AGAP1: variants seen among roughly 807,000 people sequenced by gnomAD.
AGAP1 encodes the protein ArfGAP with GTPase domain, ankyrin repeat and PH domain 1.
A neutral mutation model predicts 105.3 loss-of-function variants in AGAP1; 29 were observed. The observed-to-expected ratio is 0.28, with a 90% CI of 0.21 to 0.38. The LOEUF (loss-of-function observed/expected upper bound fraction) is 0.38. Among genes scored for constraint, AGAP1 ranks in the 10% least tolerant of loss-of-function variants. The pLI is 1.00. For synonymous variants in AGAP1, 509 were observed against 485.9 expected (o/e 1.05, Z -0.63); for missense variants, 998 against 1,165.1 (o/e 0.86, Z 2.09).
At chr2:236,016,674 C>G (rs2056715078) in intron 13 of AGAP1, among the ~76,000 whole-genome samples, 2 of 152,190 alleles carry the variant, frequency 1.3e-5, no homozygotes, top group Admixed American at 6.5e-5. Context: ...TACACAGCAT[C>G]TGCTCTGCCC....
rs2052863676 is a variant in AGAP1 at position 235,934,063 on chromosome 2, G to C, written c.1483+3140G>C. Among the ~76,000 whole-genome samples the C allele has an allele frequency of 6.6e-6, 1 of 152,156 alleles. No homozygotes were observed. Among genetic ancestry groups the C allele is most frequent in the African/African-American group, 2.4e-5 (1 of 41,448 alleles). ...GAGGGGCCAGGATTCAAACTCAGGT[G>C]GCCCGATTCAGCTCTCCATCACTGC... is the stretch of plus-strand genomic sequence containing the variant. On this transcript the variant is annotated intron_variant, in intron 12 of 17. Coordinates refer to ENST00000304032, the MANE Select transcript of AGAP1 (RefSeq NM_001037131.3). This position sits in a 1 kb window ranked among gnomAD's most constrained non-coding sequence, Gnocchi z 4.9.
intron 13 of AGAP1, among the ~76,000 whole-genome samples, chr2:236,023,754 A>G (rs1015247650): frequency 1.3e-5 from 2 of 151,940 alleles, no homozygotes; most frequent in African/African-American, 4.8e-5. Flanking sequence ...GCGATATCCC[A>G]TTTCATTTTC....
rs899142286 is a variant in AGAP1, at chr2:236,050,962, T to C, written c.2114+1681T>C. On this transcript the variant is annotated intron_variant, in intron 16 of 17. Coordinates refer to ENST00000304032, the MANE Select transcript of AGAP1 (RefSeq NM_001037131.3). This position sits in a 1 kb window ranked among gnomAD's most constrained non-coding sequence, Gnocchi z 4.0. The stretch of plus-strand genomic sequence containing the variant: ...TAATTTGCATCCTTGAATTAAGTTC[T>C]TGAGTGCAGAGCCCTGTCTTTTTTC... Among the ~76,000 whole-genome samples the C allele has an allele frequency of 8.5e-5, 13 of 152,374 alleles. No individual in the cohort carries two copies. The highest frequency in any genetic ancestry group is 2.9e-4 in the African/African-American group (12 of 41,586).
rs191305521 is a variant in AGAP1 at position 236,096,071 on chromosome 2, C to T, written c.2115-24121C>T. 6.6e-6 allele frequency among the ~76,000 whole-genome samples: 1 copy of T among 152,340 alleles called. No individual in the cohort carries two copies. The highest frequency in any genetic ancestry group is 1.9e-4 in the East Asian group (1 of 5,190). On this transcript the variant is annotated intron_variant, in intron 16 of 17. Coordinates refer to ENST00000304032, the MANE Select transcript of AGAP1 (RefSeq NM_001037131.3). The surrounding 1 kb of genome is among the most constrained non-coding windows in gnomAD (Gnocchi z 4.4). ...TCTGCATTCGCTCAGGTACAGACCT[C>T]AGATTTGGTGGAAGCAATACTGATG...
rs1265918773 is a variant in AGAP1 at position 235,729,635 on chromosome 2, C to G, written c.311-11328C>G. Among the ~76,000 whole-genome samples the G allele has an allele frequency of 6.6e-6, 1 of 152,088 alleles. No homozygotes were observed. The highest frequency in any genetic ancestry group is 2.4e-5 in the African/African-American group (1 of 41,364). On this transcript the variant is annotated intron_variant, in intron 3 of 17. Transcript: ENST00000304032. This position sits in a 1 kb window ranked among gnomAD's most constrained non-coding sequence, Gnocchi z 5.0. ...TCCAAGCTAGGATGGGGACAGAGGC[C>G]TGGAGACAACCTGCTGGCCTCCTTC...
chr2:235,798,283 C>T (rs1219353851), intron 7 of AGAP1, among the ~76,000 whole-genome samples: 1 of 152,166 alleles, frequency 6.6e-6, no homozygotes, highest in African/African-American at 2.4e-5. Flanking sequence ...ATTATAATTA[C>T]CATCTCCCTT....
intron 13 of AGAP1, among the ~76,000 whole-genome samples, chr2:236,021,779 C>G (rs1469349140): frequency 6.6e-6 from 1 of 151,934 alleles, no homozygotes; most frequent in Non-Finnish European, 1.5e-5. Context: ...CAGGCACGGG[C>G]CAGACATGGT....
rs1310521431 is a variant in AGAP1, at chr2:235,720,614, A to G, written c.310+2970A>G. ...GCGATCAACTGGGCAGCTACTTTGA[A>G]TGAAAGGCATTTTGCTGTGTATCTG... On this transcript the variant is annotated intron_variant, in intron 3 of 17. Transcript: ENST00000304032. This position sits in a 1 kb window ranked among gnomAD's most constrained non-coding sequence, Gnocchi z 5.0. 1 of 970,866 alleles carries G rather than the reference A, an allele frequency of 1.0e-6. No homozygotes were observed. Among genetic ancestry groups the G allele is most frequent in the African/African-American group, 1.8e-5 (1 of 56,872 alleles). The allele number at this position is 970,866 out of a possible 1,614,324, so 60.1% of individuals were successfully genotyped here.
At chr2:235,702,107 A>G (rs1950285682) in intron 1 of AGAP1, among the ~76,000 whole-genome samples, 1 of 152,004 alleles carries the variant, frequency 6.6e-6, no homozygotes, top group South Asian at 2.1e-4. Flanking sequence ...TTTGTCTGGA[A>G]TGCGTATTTG....
intron 16 of AGAP1, among the ~76,000 whole-genome samples, chr2:236,091,150 A>G (rs1017749078): frequency 9.2e-5 from 14 of 152,222 alleles, no homozygotes; most frequent in African/African-American, 3.4e-4. Flanking sequence ...ATCTGCACGC[A>G]TTTTTATGTC....
chr2:235,776,246 T>C (rs1955850447), intron 6 of AGAP1, among the ~76,000 whole-genome samples: 1 of 152,116 alleles, frequency 6.6e-6, no homozygotes, highest in African/African-American at 2.4e-5. Context: ...AGGGTGGGGC[T>C]CCAAGGCCTC....
chr2:235,770,133 C>CTTTTTTTTTTTTTTT (rs57008190), intron 6 of AGAP1, among the ~76,000 whole-genome samples: 13 of 136,672 alleles, frequency 9.5e-5, no homozygotes, highest in East Asian at 2.2e-4. Context: ...TTCTTTGTTT[C>CTTTTTTTTTTTTTTT]TTTTTTTTTT....
rs560731230 is a variant in AGAP1 at position 235,976,054 on chromosome 2, C to T, written c.1645+7431C>T. Among the ~76,000 whole-genome samples, 3 of 152,074 alleles carry T rather than the reference C, an allele frequency of 2.0e-5. No individual in the cohort carries two copies. In the South Asian group the frequency reaches 6.2e-4, roughly 32 times the overall value. On this transcript the variant is annotated intron_variant, in intron 13 of 17. Transcript: ENST00000304032. The surrounding 1 kb of genome is among the most constrained non-coding windows in gnomAD (Gnocchi z 4.5). ...GAAATGCAGTAGCGAATGTGGAAAACCAAGAATCAGAACATCTTCCTGGGA... is the reference window on the plus strand; with the variant it reads ...GAAATGCAGTAGCGAATGTGGAAAATCAAGAATCAGAACATCTTCCTGGGA...
rs2050320262 is a variant in AGAP1 at position 235,887,349 on chromosome 2, C to G, written c.1155+3900C>G. ...TACTGACCACAGCGTGAAGTGGGGC[C>G]TCTCCCTGGTAACACCCTATTGTCT... is the stretch of plus-strand genomic sequence containing the variant. On this transcript the variant is annotated intron_variant, in intron 10 of 17. Coordinates refer to ENST00000304032, the MANE Select transcript of AGAP1 (RefSeq NM_001037131.3). This position sits in a 1 kb window ranked among gnomAD's most constrained non-coding sequence, Gnocchi z 4.1. Among the ~76,000 whole-genome samples, 1 of 152,182 alleles carries G rather than the reference C, an allele frequency of 6.6e-6. No homozygotes were observed. The highest frequency in any genetic ancestry group is 2.4e-5 in the African/African-American group (1 of 41,436).
intron 5 of AGAP1, among the ~76,000 whole-genome samples, chr2:235,746,377 CTTTTTTTTTTTTTTTTTT>C (rs1172393048): frequency 1.8e-4 from 10 of 55,562 alleles, no homozygotes; most frequent in Admixed American, 5.2e-4. Context: ...CCTCCCCCAA[CTTTTTTTTTTTTTTTTTT>C]TTTTTTTTTT....
chr2:235,918,476 T>G (rs1161344083), intron 11 of AGAP1, among the ~76,000 whole-genome samples: 1 of 152,244 alleles, frequency 6.6e-6, no homozygotes, highest in African/African-American at 2.4e-5. Context: ...TCTTAGTTCT[T>G]TTTAAGAATT....
rs1229338190 is a variant in AGAP1 at position 235,701,968 on chromosome 2, T to A, written c.164-7211T>A. 1.3e-5 allele frequency among the ~76,000 whole-genome samples: 2 copies of A among 152,184 alleles called. No individual in the cohort carries two copies. The highest frequency in any genetic ancestry group is 1.3e-4 in the Admixed American group (2 of 15,272). ...CTCCCCTTTTCTGTGCTAAAAATAA[T>A]AGTTAAAATCCTTGTGACGTTTAAG... On this transcript the variant is annotated intron_variant, in intron 1 of 17. Transcript: ENST00000304032. This position sits in a 1 kb window ranked among gnomAD's most constrained non-coding sequence, Gnocchi z 4.1.
rs957138224 is a variant in AGAP1 at position 235,701,112 on chromosome 2, T to G, written c.164-8067T>G. Among the ~76,000 whole-genome samples the G allele has an allele frequency of 4.1e-5, 6 of 147,338 alleles. No homozygotes were observed. The highest frequency in any genetic ancestry group is 2.1e-4 in the South Asian group (1 of 4,772). Reference sequence around the variant, plus strand: ...TTATATACTCTATAATATAGTTATATGTACATATTATATATTATGTATATA... The same window carrying G: ...TTATATACTCTATAATATAGTTATAGGTACATATTATATATTATGTATATA... On this transcript the variant is annotated intron_variant, in intron 1 of 17. Coordinates refer to ENST00000304032, the MANE Select transcript of AGAP1 (RefSeq NM_001037131.3). The surrounding 1 kb of genome is among the most constrained non-coding windows in gnomAD (Gnocchi z 4.1).
chr2:235,649,308 G>T (rs1947500776), intron 1 of AGAP1, among the ~76,000 whole-genome samples: 1 of 152,156 alleles, frequency 6.6e-6, no homozygotes, highest in African/African-American at 2.4e-5. Context: ...AGATTCCTGG[G>T]CCCTGCCCAA....
Sources: gnomAD v4.1 joint callset for allele counts (sites outside exome capture counted in the v4.1 genomes callset) on GRCh38, gnomAD v4.1.1 for gene constraint, Gnocchi (gnomAD v3.1) non-coding constraint, MANE v1.5 for transcripts, NCBI Gene and HGNC (gene_info 2026-07-23, HGNC 2026-07-21) for gene names.